FAIM2: variants seen among roughly 807,000 people sequenced by gnomAD.
FAIM2 encodes the protein Fas apoptotic inhibitory molecule 2, also known as protein lifeguard 2.
Under a neutral mutation model 47.4 loss-of-function variants are expected in FAIM2, and 27 were observed. The ratio of observed to expected loss-of-function variants is 0.57; its 90% CI spans 0.42 to 0.78. The LOEUF (loss-of-function observed/expected upper bound fraction) is 0.78. FAIM2 is among the 30% of genes least tolerant of loss of function. The probability of loss-of-function intolerance (pLI) is 0.00; values close to 1 mark genes in which losing one functional copy is unlikely to be tolerated. For synonymous variants in FAIM2, 156 were observed against 159.3 expected, an observed-to-expected ratio of 0.98 and a Z score of 0.16; for missense variants, 311 against 389.4, an observed-to-expected ratio of 0.80 and a Z score of 1.69.
intron 11 of FAIM2, among the ~76,000 whole-genome samples, chr12:49,871,912 C>T (rs990874473): frequency 2.0e-5 from 3 of 152,100 alleles, no homozygotes; most frequent in Non-Finnish European, 2.9e-5. Flanking sequence ...GTGATCTGCC[C>T]GCCTCGGCCT....
Position 49,889,686 on chromosome 12 carries a change from G to A in FAIM2, c.564-118C>T, listed in dbSNP as rs995695025. On this transcript the variant is annotated intron_variant, in intron 8 of 11. Coordinates refer to ENST00000320634, the MANE Select transcript of FAIM2 (RefSeq NM_012306.4). ...GTCTTGGGATCCCTGGCCCCAGTCTGGTGCCCTTTCCCCAGATCCCTCTGT... is the reference window on the plus strand; with the variant it reads ...GTCTTGGGATCCCTGGCCCCAGTCTAGTGCCCTTTCCCCAGATCCCTCTGT... 10 of 781,870 alleles carry A rather than the reference G, an allele frequency of 1.3e-5. No homozygotes were observed. In the African/African-American group the frequency reaches 1.7e-4, roughly 13 times the overall value. The allele number at this position is 781,870 out of a possible 1,614,324, so 48.4% of individuals were successfully genotyped here.
rs1946680542 is a variant in FAIM2 at position 49,868,677 on chromosome 12, A to G, written c.*1827T>C. 6.6e-6 allele frequency: 1 copy of G among 152,242 alleles called. No individual in the cohort carries two copies. The highest frequency in any genetic ancestry group is 6.5e-5 in the Admixed American group (1 of 15,268). 9.4% of individuals were successfully genotyped at this position (152,242 alleles called of 1,614,324 possible). ...CCCAGGCCCGCCACTCGCTAGCCGT[A>G]TGACCTGGGACTCATTACCGAGCCT... On this transcript the variant is annotated 3_prime_UTR_variant, in exon 12 of 12. Coordinates refer to ENST00000320634, the MANE Select transcript of FAIM2 (RefSeq NM_012306.4).
chr12:49,901,346 G>C, intron 1 of FAIM2, 21 bp from the exon 2 acceptor site: 2 of 1,498,108 alleles, frequency 1.3e-6, no homozygotes, highest in South Asian at 2.6e-5. Context: ...GAGTCAGAGA[G>C]AGAGATAGTC....
At chr12:49,887,235 A>G (rs1278723249) in intron 11 of FAIM2, 151 bp downstream of exon 11, 1 of 689,728 alleles carries the variant, frequency 1.4e-6, no homozygotes, top group African/African-American at 1.8e-5. Context: ...AAATGAACAA[A>G]CAAACAAACG....
chr12:49,885,865 C>T (rs1045594318), intron 11 of FAIM2, among the ~76,000 whole-genome samples: 4 of 152,168 alleles, frequency 2.6e-5, no homozygotes, highest in Non-Finnish European at 4.4e-5. Flanking sequence ...TCTGGGCAGC[C>T]GTGCTGCACA....
intron 11 of FAIM2, among the ~76,000 whole-genome samples, chr12:49,876,668 A>G (rs1483891919): frequency 2.0e-5 from 3 of 151,412 alleles, no homozygotes; most frequent in Non-Finnish European, 4.4e-5. Flanking sequence ...GCTACTCGGG[A>G]GGCTGAGGCA....
chr12:49,879,506 A>T (rs1212085104), intron 11 of FAIM2, among the ~76,000 whole-genome samples: 1 of 124,260 alleles, frequency 8.0e-6, no homozygotes, highest in African/African-American at 3.2e-5. Flanking sequence ...GTGTATATGT[A>T]TGTGCATGTG....
intron 11 of FAIM2, among the ~76,000 whole-genome samples, chr12:49,880,850 G>C (rs572237195): frequency 6.7e-6 from 1 of 150,006 alleles, no homozygotes; most frequent in Non-Finnish European, 1.5e-5. Flanking sequence ...GTATGTATAT[G>C]GATATGCATG....
At chr12:49,896,899 G>C (rs1474173207) in intron 5 of FAIM2, 132 bp downstream of exon 5, 7 of 764,036 alleles carry the variant, frequency 9.2e-6, no homozygotes, top group African/African-American at 8.5e-5. Context: ...GGTTGGAGGG[G>C]ATCTGTGAGG....
intron 11 of FAIM2, among the ~76,000 whole-genome samples, chr12:49,877,669 G>C (rs755903666): frequency 6.0e-5 from 1 of 16,726 alleles, no homozygotes; most frequent in Non-Finnish European, 9.6e-5. Context: ...TAAATCCCTT[G>C]GACGCTGTGG....
chr12:49,895,285 C>T (rs2137103675), intron 5 of FAIM2, among the ~76,000 whole-genome samples: 1 of 152,190 alleles, frequency 6.6e-6, no homozygotes, highest in Admixed American at 6.5e-5. Context: ...CCAGATCTCA[C>T]CATTCAGAGG....
At chr12:49,881,939 GGCA>G (rs951408075) in intron 11 of FAIM2, among the ~76,000 whole-genome samples, 25 of 152,196 alleles carry the variant, frequency 1.6e-4, no homozygotes, top group Non-Finnish European at 3.1e-4. Flanking sequence ...CCTCAAAGAT[GGCA>G]GAATCTCAAG....
At chr12:49,878,378 ATG>A (rs1476997225) in intron 11 of FAIM2, among the ~76,000 whole-genome samples, 1 of 71,854 alleles carries the variant, frequency 1.4e-5, no homozygotes, top group African/African-American at 8.3e-5. Flanking sequence ...GGGCATGTGC[ATG>A]TGTGTATATG....
chr12:49,878,807 C>A (rs201382583), intron 11 of FAIM2, among the ~76,000 whole-genome samples: 1 of 29,156 alleles, frequency 3.4e-5, no homozygotes, highest in Non-Finnish European at 6.1e-5. Flanking sequence ...TATATGTGTG[C>A]ATGTGAATGT....
At chr12:49,898,602 G>T (rs111848668) in intron 2 of FAIM2, among the ~76,000 whole-genome samples, 3,364 of 152,170 alleles carry the variant, frequency 0.022, 118 homozygotes, top group African/African-American at 0.075. Flanking sequence ...CATGGCTCAC[G>T]GCAGCCTCGA....
intron 11 of FAIM2, among the ~76,000 whole-genome samples, chr12:49,880,170 G>GCA (rs1555158431): frequency 1.1e-4 from 16 of 144,390 alleles, no homozygotes; most frequent in African/African-American, 3.8e-4. Flanking sequence ...ATGTGTGTAT[G>GCA]TGTGTGTATG....
rs2137076594 is a variant in FAIM2 at position 49,870,503 on chromosome 12, C to T, written c.*1G>A. 2 of 1,613,480 alleles carry T rather than the reference C, an allele frequency of 1.2e-6. No individual in the cohort carries two copies. The highest frequency in any genetic ancestry group is 8.5e-7 in the Non-Finnish European group (1 of 1,179,614). On this transcript the variant is annotated 3_prime_UTR_variant, in exon 12 of 12. Transcript: ENST00000320634. The stretch of plus-strand genomic sequence containing the variant: ...GAGGACGGTGGGGCAGGGAGGGCTC[C>T]TCATTCTCGGTTAGTGCCAAAAAGC...
At chr12:49,880,344 G>A (rs576726870) in intron 11 of FAIM2, among the ~76,000 whole-genome samples, 1 of 151,270 alleles carries the variant, frequency 6.6e-6, no homozygotes, top group South Asian at 2.1e-4. Context: ...GCATGTTTGT[G>A]TATGTGCATG....
At chr12:49,890,828 C>G in intron 6 of FAIM2, 106 bp from the exon 7 acceptor site, 1 of 971,000 alleles carries the variant, frequency 1.0e-6, no homozygotes, top group Non-Finnish European at 1.7e-6. Context: ...CCCCTCCACA[C>G]TCCTCAGAGC....
Sources: gnomAD v4.1 joint callset for allele counts (sites outside exome capture counted in the v4.1 genomes callset) on GRCh38, gnomAD v4.1.1 for gene constraint, MANE v1.5 for transcripts, NCBI Gene and HGNC (gene_info 2026-07-23, HGNC 2026-07-21) for gene names.